PRKAR1A: variants seen among roughly 807,000 people sequenced by gnomAD.
The protein encoded by PRKAR1A is cAMP-dependent protein kinase type I-alpha regulatory subunit.
Under a neutral mutation model 52.0 loss-of-function variants are expected in PRKAR1A, and 3 were observed. The ratio of observed to expected loss-of-function variants is 0.06; its 90% CI spans 0.03 to 0.15. The LOEUF is 0.15. Among genes scored for constraint, PRKAR1A ranks in the 10% least tolerant of loss-of-function variants. PRKAR1A has a pLI of 1.00. For synonymous variants in PRKAR1A, 188 were observed against 168.4 expected (o/e 1.12, Z -0.90); for missense variants, 240 against 477.4 (o/e 0.50, Z 4.63).
At position 68,522,817 on chromosome 17, in the gene PRKAR1A, A is replaced by T; in HGVS notation, c.239A>T (p.Asp80Val). 1 of 1,614,070 alleles carries T rather than the reference A, an allele frequency of 6.2e-7. No homozygotes were observed. Among genetic ancestry groups the T allele is most frequent in the South Asian group, 1.1e-5 (1 of 91,076 alleles). ...KAGTRTDSRE[D>V]EISPPPPNPV... is the part of the protein sequence containing the mutation. Reference sequence around the variant, plus strand: ...GGCACTCGTACAGACTCAAGGGAGGATGAGATTTCTCCTCCTCCACCCAAC... The same window carrying T: ...GGCACTCGTACAGACTCAAGGGAGGTTGAGATTTCTCCTCCTCCACCCAAC... Residue 80 changes from aspartate (D) to valine (V), a missense_variant, in exon 3 of 11, where the codon GAT becomes GTT. This residue lies in a region of PRKAR1A where 107 missense variants were observed against 114.6 expected (regional missense o/e 0.93). Transcript: ENST00000589228.
the PRKAR1A span, among the ~76,000 whole-genome samples, chr17:68,417,673 T>G: frequency 6.7e-6 from 1 of 148,900 alleles, no homozygotes; most frequent in Non-Finnish European, 1.5e-5. Flanking sequence ...TCTCTAATTT[T>G]GGGGGCAGTA....
At position 68,532,817 on chromosome 17, in the gene PRKAR1A, G is replaced by C; in HGVS notation, c.*2368G>C. 9.4e-7 allele frequency: 1 copy of C among 1,066,270 alleles called. No homozygotes were observed. The highest frequency in any genetic ancestry group is 4.6e-5 in the South Asian group (1 of 21,968). The allele number at this position is 1,066,270 out of a possible 1,614,324, so 66.1% of individuals were successfully genotyped here. On this transcript the variant is annotated 3_prime_UTR_variant, in exon 11 of 11. Coordinates refer to ENST00000589228, the MANE Select transcript of PRKAR1A (RefSeq NM_002734.5). ...TCTCCTTTCCGTCTTTCCTCTCTCT[G>C]TCCTTCCCCGAAAGTCTACTCGGGT...
the PRKAR1A span, among the ~76,000 whole-genome samples, chr17:68,454,967 C>T: frequency 6.6e-6 from 1 of 152,152 alleles, no homozygotes; most frequent in Non-Finnish European, 1.5e-5. Flanking sequence ...AGACTTAGAC[C>T]TTATTTCATC....
chr17:68,460,038 C>T, the PRKAR1A span, among the ~76,000 whole-genome samples: 1 of 152,134 alleles, frequency 6.6e-6, no homozygotes, highest in South Asian at 2.1e-4. Flanking sequence ...TCAGGCTGGT[C>T]TCACACTCCT....
the PRKAR1A span, among the ~76,000 whole-genome samples, chr17:68,485,154 A>G: frequency 6.6e-6 from 1 of 152,250 alleles, no homozygotes; most frequent in Admixed American, 6.5e-5. Context: ...CTATCATGGA[A>G]AAATGATCAA....
upstream of PRKAR1A, among the ~76,000 whole-genome samples, chr17:68,509,344 T>C (rs930716523): frequency 6.6e-6 from 1 of 152,124 alleles, no homozygotes; most frequent in Non-Finnish European, 1.5e-5. Context: ...TAAAATTTTT[T>C]TGTAGAGACG....
intron 11 of PRKAR1A, among the ~76,000 whole-genome samples, chr17:68,543,956 A>G (rs2086431770): frequency 6.6e-6 from 1 of 152,142 alleles, no homozygotes; most frequent in Admixed American, 6.5e-5. Flanking sequence ...CACCACCAAT[A>G]CCAAGTTTCC....
chr17:68,509,167 T>C (rs1289223611), upstream of PRKAR1A, among the ~76,000 whole-genome samples: 1 of 152,222 alleles, frequency 6.6e-6, no homozygotes, highest in Non-Finnish European at 1.5e-5. Flanking sequence ...TCACAAGCAT[T>C]GTAACAGCAA....
upstream of PRKAR1A, among the ~76,000 whole-genome samples, chr17:68,509,308 G>A (rs184378598): frequency 9.9e-5 from 15 of 152,258 alleles, no homozygotes; most frequent in East Asian, 3.9e-4. Flanking sequence ...CAGTACATGC[G>A]TGGGTCACCA....
the PRKAR1A span, among the ~76,000 whole-genome samples, chr17:68,500,989 T>A: frequency 6.6e-6 from 1 of 152,236 alleles, no homozygotes; most frequent in African/African-American, 2.4e-5. Flanking sequence ...TTGATACAAG[T>A]TCCAAAGGAA....
chr17:68,457,515 T>C, the PRKAR1A span: 100 of 1,011,504 alleles, frequency 9.9e-5, no homozygotes, highest in Middle Eastern at 7.3e-4. Context: ...TCGCCGGTCC[T>C]GCCCCGCCCC....
the PRKAR1A span, among the ~76,000 whole-genome samples, chr17:68,415,424 C>A: frequency 6.6e-6 from 1 of 152,068 alleles, no homozygotes; most frequent in African/African-American, 2.4e-5. Flanking sequence ...TATTGAGGCT[C>A]ATTTTGTGGC....
chr17:68,526,890 C>T (rs1158186014), intron 7 of PRKAR1A, among the ~76,000 whole-genome samples: 1 of 152,168 alleles, frequency 6.6e-6, no homozygotes, highest in Non-Finnish European at 1.5e-5. Flanking sequence ...CCTATATAAC[C>T]TGCACATGTA....
chr17:68,512,438 C>G lies in PRKAR1A; in HGVS notation c.-117C>G, dbSNP rs1433003252. 1 of 153,048 alleles carries G rather than the reference C, an allele frequency of 6.5e-6. No individual in the cohort carries two copies. Among genetic ancestry groups the G allele is most frequent in the Non-Finnish European group, 1.5e-5 (1 of 68,348 alleles). 9.5% of individuals were successfully genotyped at this position (153,048 alleles called of 1,614,324 possible). On this transcript the variant is annotated 5_prime_UTR_variant, in exon 1 of 11. Transcript: ENST00000589228. ...GCCAGGCCGTTTCCGGTGGAGCTGT[C>G]GCCTAGCCGCTATCGCAGAGTGGAG...
At chr17:68,420,225 A>G in the PRKAR1A span, 3 of 1,614,008 alleles carry the variant, frequency 1.9e-6, no homozygotes, top group Non-Finnish European at 2.5e-6. Context: ...ACGGGGCCTG[A>G]GCTGCAGCAT....
chr17:68,540,916 G>T, intron 11 of PRKAR1A: 1 of 1,603,094 alleles, frequency 6.2e-7, no homozygotes, highest in South Asian at 1.1e-5. Flanking sequence ...TGTACGGGTA[G>T]ATCTGTTTCA....
chr17:68,444,662 T>C, the PRKAR1A span: 1 of 1,261,950 alleles, frequency 7.9e-7, no homozygotes, highest in South Asian at 1.3e-5. Context: ...AAATCATTCA[T>C]CTTTCATATG....
exon 12 of PRKAR1A, chr17:68,551,154 A>T: frequency 8.1e-7 from 1 of 1,230,854 alleles, no homozygotes; most frequent in Non-Finnish European, 1.0e-6. Flanking sequence ...AGGAGACCCT[A>T]ACCTGTGGGC....
Position 68,532,303 on chromosome 17 carries a change from A to C in PRKAR1A, c.*1854A>C, listed in dbSNP as rs1012275320. 15 of 1,052,462 alleles carry C rather than the reference A, an allele frequency of 1.4e-5. No individual in the cohort carries two copies. The highest frequency in any genetic ancestry group is 1.6e-5 in the African/African-American group (1 of 60,780). 65.2% of individuals were successfully genotyped at this position (1,052,462 alleles called of 1,614,324 possible). On this transcript the variant is annotated 3_prime_UTR_variant, in exon 11 of 11. Coordinates refer to ENST00000589228, the MANE Select transcript of PRKAR1A (RefSeq NM_002734.5). ...ACTTAAATGAGTTACTTAGAATGCC[A>C]TAAAATTGCAGTTTCATGTATGTAT...
Sources: gnomAD v4.1 joint callset for allele counts (sites outside exome capture counted in the v4.1 genomes callset) on GRCh38, gnomAD v4.1.1 for gene constraint, gnomAD v4.1.1 regional missense constraint, MANE v1.5 for transcripts, NCBI Gene and HGNC (gene_info 2026-07-23, HGNC 2026-07-21) for gene names.